Variants in PTPN21 observed in about 807,000 individuals in gnomAD.
The protein encoded by PTPN21 is tyrosine-protein phosphatase non-receptor type 21.
Under a neutral mutation model 131.8 loss-of-function variants are expected in PTPN21, and 77 were observed. That is an observed-to-expected ratio of 0.58 (90% CI 0.49 to 0.71). The LOEUF (loss-of-function observed/expected upper bound fraction) is 0.71, where lower values mean the gene tolerates loss of function less well. Ranked by LOEUF, PTPN21 falls within the 30% of genes least tolerant of loss-of-function variation. The pLI is 0.00. For missense variants in PTPN21, 1,552 were observed against 1,527.1 expected, an observed-to-expected ratio of 1.02 and a Z score of -0.27; for synonymous variants, 715 against 621.3, an observed-to-expected ratio of 1.15 and a Z score of -2.24.
At chr14:88,482,060 A>G (rs1310413281) in intron 12 of PTPN21, among the ~76,000 whole-genome samples, 3 of 152,212 alleles carry the variant, frequency 2.0e-5, no homozygotes, top group Non-Finnish European at 4.4e-5. Flanking sequence ...CTTTATTATT[A>G]CTTCCCTGAG....
rs145972012 is a variant in PTPN21 at position 88,501,221 on chromosome 14, T to C, written c.675+60A>G. On this transcript the variant is annotated intron_variant, in intron 7 of 18. Transcript: ENST00000556564. ...ATAAGGACATCCTTGGATTTCCCCA[T>C]GATTTTCTCAAATTTGTAAGCCTAA... 1.7e-5 allele frequency: 24 copies of C among 1,415,458 alleles called. 1 individual carries two copies. The highest frequency in any genetic ancestry group is 1.2e-4 in the South Asian group (10 of 86,244). The allele number at this position is 1,415,458 out of a possible 1,614,324, so 87.7% of individuals were successfully genotyped here.
chr14:88,546,747 T>C (rs1010559251), intron 2 of PTPN21, among the ~76,000 whole-genome samples: 1 of 152,190 alleles, frequency 6.6e-6, no homozygotes, highest in Non-Finnish European at 1.5e-5. Flanking sequence ...ACCAACATAC[T>C]GATATTTCTT....
intron 2 of PTPN21, among the ~76,000 whole-genome samples, chr14:88,519,963 G>GT (rs2078365042): frequency 6.6e-6 from 1 of 152,060 alleles, no homozygotes; most frequent in African/African-American, 2.4e-5. Flanking sequence ...TTTCCCCCAG[G>GT]TATTGTCCCT....
chr14:88,552,161 G>A (rs2078878407), intron 1 of PTPN21: 2 of 152,246 alleles, frequency 1.3e-5, no homozygotes, highest in Non-Finnish European at 2.9e-5. Context: ...GCAGTTTCAC[G>A]CTAGGACGGG....
intron 2 of PTPN21, among the ~76,000 whole-genome samples, chr14:88,533,599 T>C (rs2078584121): frequency 6.6e-6 from 1 of 152,196 alleles, no homozygotes; most frequent in African/African-American, 2.4e-5. Context: ...AAGTTAACTG[T>C]AGGCCAGGTG....
At chr14:88,497,952 T>G (rs541953370) in intron 8 of PTPN21, among the ~76,000 whole-genome samples, 1 of 150,522 alleles carries the variant, frequency 6.6e-6, no homozygotes, top group African/African-American at 2.4e-5. Flanking sequence ...ACAAAAAAAA[T>G]TAGCTGGGCA....
At chr14:88,521,623 G>A (rs1427129434) in intron 2 of PTPN21, among the ~76,000 whole-genome samples, 4 of 147,868 alleles carry the variant, frequency 2.7e-5, no homozygotes, top group African/African-American at 1.0e-4. Flanking sequence ...ATGTTGGCCA[G>A]GCTGGTCTTG....
Position 88,497,192 on chromosome 14 carries a change from T to C in PTPN21, c.852+11A>G. On this transcript the variant is annotated intron_variant, in intron 9 of 18. Transcript: ENST00000556564. ...AAAAACATTCCATGCAGACCCCTAATGTTTACTCACAGTTTGAAATTGAAT... is the reference window on the plus strand; with the variant it reads ...AAAAACATTCCATGCAGACCCCTAACGTTTACTCACAGTTTGAAATTGAAT... 1 of 1,581,012 alleles carries C rather than the reference T, an allele frequency of 6.3e-7. No homozygotes were observed. The highest frequency in any genetic ancestry group is 8.7e-7 in the Non-Finnish European group (1 of 1,150,004).
chr14:88,519,421 C>T (rs2078355793), intron 2 of PTPN21, among the ~76,000 whole-genome samples: 1 of 152,002 alleles, frequency 6.6e-6, no homozygotes, highest in Non-Finnish European at 1.5e-5. Flanking sequence ...CACCAAGGAG[C>T]TGTATTTTTA....
chr14:88,499,001 G>A (rs1349053642), intron 8 of PTPN21, among the ~76,000 whole-genome samples: 1 of 152,146 alleles, frequency 6.6e-6, no homozygotes, highest in Non-Finnish European at 1.5e-5. Context: ...TAAGGCAACT[G>A]TGAAAATTCC....
intron 3 of PTPN21, 129 bp downstream of exon 3, chr14:88,516,963 T>A: frequency 9.5e-7 from 1 of 1,049,390 alleles, no homozygotes; most frequent in Non-Finnish European, 1.4e-6. Context: ...AATCTCTTTG[T>A]AACACCGTGG....
At chr14:88,540,954 T>G (rs1362008354) in intron 2 of PTPN21, among the ~76,000 whole-genome samples, 1 of 152,196 alleles carries the variant, frequency 6.6e-6, no homozygotes, top group African/African-American at 2.4e-5. Flanking sequence ...TGAGCCACCT[T>G]GCCCGGCCAA....
chr14:88,518,255 A>AAAAAAAATATATAT (rs1566839513), intron 2 of PTPN21, among the ~76,000 whole-genome samples: 1 of 18,670 alleles, frequency 5.4e-5, no homozygotes, highest in African/African-American at 2.2e-4. Flanking sequence ...AAAAAAAAAA[A>AAAAAAAATATATAT]ATATATATAT....
intron 3 of PTPN21, among the ~76,000 whole-genome samples, chr14:88,512,084 C>A (rs1354420386): frequency 3.9e-5 from 6 of 152,002 alleles, no homozygotes; most frequent in Non-Finnish European, 7.4e-5. Context: ...AGTATAGTCA[C>A]CCCATCTCCT....
Position 88,473,761 on chromosome 14 carries a change from A to G in PTPN21, c.2553T>C (p.Pro851=), listed in dbSNP as rs2077506041. The G allele has an allele frequency of 1.2e-6, 2 of 1,610,538 alleles. No homozygotes were observed. Among genetic ancestry groups the G allele is most frequent in the Non-Finnish European group, 1.7e-6 (2 of 1,179,352 alleles). Residue 851 remains proline, a synonymous_variant, in exon 14 of 19, where the codon CCT becomes CCC. Coordinates refer to ENST00000556564, the MANE Select transcript of PTPN21 (RefSeq NM_007039.4). The part of the protein sequence containing the change: ...KTRVDAKKIG[P]LKLAALNGLS... ...GTCCATTTAGGGCAGCCAGTTTAAG[A>G]GGACCAATTTTTTTTGCATCTACTC...
chr14:88,543,150 C>A (rs2078729541), intron 2 of PTPN21, among the ~76,000 whole-genome samples: 1 of 152,124 alleles, frequency 6.6e-6, no homozygotes. Flanking sequence ...CTTTGATGGC[C>A]AAGAACACTT....
intron 2 of PTPN21, among the ~76,000 whole-genome samples, chr14:88,526,904 A>T (rs1327253386): frequency 6.6e-6 from 1 of 152,020 alleles, no homozygotes; most frequent in Non-Finnish European, 1.5e-5. Flanking sequence ...GAACATAACG[A>T]TGTTTGATTT....
At chr14:88,548,162 G>A (rs1453013105) in intron 2 of PTPN21, among the ~76,000 whole-genome samples, 1 of 151,932 alleles carries the variant, frequency 6.6e-6, no homozygotes, top group Non-Finnish European at 1.5e-5. Flanking sequence ...CCAACTCCAG[G>A]TGGCTACCAT....
Position 88,469,382 on chromosome 14 carries a change from AC to A in PTPN21, c.3235+116del. The A allele has an allele frequency of 4.2e-6, 4 of 953,400 alleles. No homozygotes were observed. Among genetic ancestry groups the A allele is most frequent in the East Asian group, 2.6e-5 (1 of 38,596 alleles). The allele number at this position is 953,400 out of a possible 1,614,324, so 59.1% of individuals were successfully genotyped here. A position where few individuals can be genotyped will look rare whatever the true frequency, so the allele number is the denominator to read the frequency against. On this transcript the variant is annotated intron_variant, in intron 17 of 18. Coordinates refer to ENST00000556564, the MANE Select transcript of PTPN21 (RefSeq NM_007039.4). This position sits in a 1 kb window ranked among gnomAD's most constrained non-coding sequence, Gnocchi z 4.3. Reference sequence around the variant, plus strand: ...AAACACTTGTATTCTTTATGTTAAAACAAGTCCGAAGCTTATATGAGATAAC... The same window carrying A: ...AAACACTTGTATTCTTTATGTTAAAAAAGTCCGAAGCTTATATGAGATAAC...
Sources: gnomAD v4.1 joint callset for allele counts (sites outside exome capture counted in the v4.1 genomes callset) on GRCh38, gnomAD v4.1.1 for gene constraint, Gnocchi (gnomAD v3.1) non-coding constraint, MANE v1.5 for transcripts, NCBI Gene and HGNC (gene_info 2026-07-23, HGNC 2026-07-21) for gene names.